Variants in ITCH observed in about 807,000 individuals in gnomAD.
The protein encoded by ITCH is itchy E3 ubiquitin protein ligase, also known as E3 ubiquitin-protein ligase Itchy homolog.
Under a neutral mutation model 126.8 loss-of-function variants are expected in ITCH, and 28 were observed. The ratio of observed to expected loss-of-function variants is 0.22; its 90% CI spans 0.16 to 0.30. ITCH has a LOEUF of 0.30. Ranked by LOEUF, ITCH falls within the 10% of genes least tolerant of loss-of-function variation. ITCH has a pLI of 1.00. For missense variants in ITCH, 631 were observed against 1,032.4 expected (o/e 0.61, Z 5.33); for synonymous variants, 342 against 340.0 (o/e 1.01, Z -0.06).
intron 1 of ITCH, among the ~76,000 whole-genome samples, chr20:34,366,008 A>G (rs1601722141): frequency 6.6e-6 from 1 of 152,232 alleles, no homozygotes; most frequent in African/African-American, 2.4e-5. Context: ...TGGGTGGAGG[A>G]TTGGTTAGAA....
At chr20:34,440,509 T>C (rs1011868418) in intron 9 of ITCH, among the ~76,000 whole-genome samples, 165 bp downstream of exon 9, 1 of 151,838 alleles carries the variant, frequency 6.6e-6, no homozygotes, top group African/African-American at 2.4e-5. Context: ...CAGACTGGAG[T>C]GCAGTGGTGT....
chr20:34,483,607 A>G (rs950032296), intron 20 of ITCH, among the ~76,000 whole-genome samples: 4 of 152,168 alleles, frequency 2.6e-5, no homozygotes, highest in Non-Finnish European at 5.9e-5. Flanking sequence ...CCTGGACTTT[A>G]TTGTCCATAT....
chr20:34,472,740 T>C (rs963603802), intron 16 of ITCH, among the ~76,000 whole-genome samples: 1 of 152,238 alleles, frequency 6.6e-6, no homozygotes, highest in African/African-American at 2.4e-5. Context: ...AAAAAGCCAG[T>C]TGGCATCCTG....
At chr20:34,491,703 T>TA (rs1989527395) in intron 22 of ITCH, among the ~76,000 whole-genome samples, 2 of 152,208 alleles carry the variant, frequency 1.3e-5, no homozygotes, top group South Asian at 2.1e-4. Context: ...TTATTCCTTA[T>TA]AAAAAAGTTT....
At chr20:34,437,162 G>GGA (rs954273996) in intron 7 of ITCH, among the ~76,000 whole-genome samples, 4 of 152,046 alleles carry the variant, frequency 2.6e-5, no homozygotes, top group Admixed American at 2.0e-4. Flanking sequence ...AACTATGTGA[G>GGA]GAGAGAGAGA....
At chr20:34,493,406 A>G (rs1257705258) in intron 23 of ITCH, among the ~76,000 whole-genome samples, 1 of 152,218 alleles carries the variant, frequency 6.6e-6, no homozygotes, top group Non-Finnish European at 1.5e-5. Flanking sequence ...GCATTTAGGA[A>G]GATTTGATAG....
chr20:34,461,751 C>T (rs190726995), intron 13 of ITCH, among the ~76,000 whole-genome samples: 1 of 147,288 alleles, frequency 6.8e-6, no homozygotes, highest in Non-Finnish European at 1.5e-5. Context: ...AGAAACAAAG[C>T]CAGAGAAAGG....
At chr20:34,392,373 A>G (rs950434522) in intron 2 of ITCH, among the ~76,000 whole-genome samples, 4 of 152,196 alleles carry the variant, frequency 2.6e-5, no homozygotes, top group African/African-American at 9.6e-5. Context: ...AAAAAAATAT[A>G]TGTATTATGC....
intron 2 of ITCH, among the ~76,000 whole-genome samples, chr20:34,373,903 T>A (rs2037736988): frequency 6.6e-6 from 1 of 152,022 alleles, no homozygotes; most frequent in African/African-American, 2.4e-5. Context: ...TATTTTTTTT[T>A]AAGATGCAGT....
At chr20:34,462,035 C>A in intron 13 of ITCH, 58 bp from the exon 14 acceptor site, 4 of 1,552,306 alleles carry the variant, frequency 2.6e-6, no homozygotes, top group Non-Finnish European at 3.6e-6. Context: ...AGCTTCTGTA[C>A]TTGGCAAACA....
In ITCH at chr20:34,438,542, A is replaced by C. The variant is rs758111695; in HGVS notation, c.590A>C (p.Asn197Thr). 6.2e-7 allele frequency: 1 copy of C among 1,613,970 alleles called. No individual in the cohort carries two copies. Among genetic ancestry groups the C allele is most frequent in the Admixed American group, 1.7e-5 (1 of 59,996 alleles). ...GAGENRRVSGNNSPSLSNGGF... is the reference protein window; with the variant it reads ...GAGENRRVSGTNSPSLSNGGF... Reference sequence around the variant, plus strand: ...GGTGAAAATAGGAGAGTCAGTGGGAATAATTCTCCATCACTCTCAAATGGT... The same window carrying C: ...GGTGAAAATAGGAGAGTCAGTGGGACTAATTCTCCATCACTCTCAAATGGT... Residue 197 changes from asparagine (N) to threonine (T), a missense_variant, in exon 8 of 25, where the codon AAT becomes ACT. Physicochemically the swap from Asn to Thr is moderately conservative, Grantham distance 65. Around this residue, in one of 4 missense-constraint regions of ITCH, gnomAD observed 220 missense variants for 265.7 expected, o/e 0.83. Coordinates refer to ENST00000374864, the MANE Select transcript of ITCH (RefSeq NM_031483.7).
chr20:34,441,946 A>G (rs1983814207), intron 9 of ITCH: 1 of 447,710 alleles, frequency 2.2e-6, no homozygotes, highest in Non-Finnish European at 4.1e-6. Flanking sequence ...TATCCTAGGT[A>G]GACGGACCTC....
intron 3 of ITCH, among the ~76,000 whole-genome samples, chr20:34,398,323 A>G (rs1209081236): frequency 6.6e-6 from 1 of 151,968 alleles, no homozygotes; most frequent in Non-Finnish European, 1.5e-5. Context: ...TCAGCCTCCT[A>G]AATTGCTTGT....
At chr20:34,467,859 A>G (rs563155204) in intron 14 of ITCH, among the ~76,000 whole-genome samples, 135 of 150,676 alleles carry the variant, frequency 9.0e-4, no homozygotes, top group Middle Eastern at 6.9e-3. Context: ...CTAATTTTGT[A>G]TTTTTAGTAG....
chr20:34,492,695 A>C (rs1989600828), intron 23 of ITCH, 98 bp downstream of exon 23: 1 of 817,792 alleles, frequency 1.2e-6, no homozygotes, highest in African/African-American at 1.7e-5. Flanking sequence ...AAAGACAGGG[A>C]TAGCCATTTT....
At chr20:34,491,131 G>A (rs1337585266) in intron 22 of ITCH, among the ~76,000 whole-genome samples, 2 of 152,182 alleles carry the variant, frequency 1.3e-5, no homozygotes, top group African/African-American at 4.8e-5. Context: ...TTATGATGGA[G>A]TAATAAACCC....
intron 6 of ITCH, 134 bp from the exon 7 acceptor site, chr20:34,424,346 G>A (rs1035548637): frequency 1.6e-5 from 12 of 741,132 alleles, no homozygotes; most frequent in Non-Finnish European, 2.6e-5. Context: ...AGTCATGTTG[G>A]AATTTAAGTT....
chr20:34,441,372 A>G (rs1983727445), intron 9 of ITCH, among the ~76,000 whole-genome samples: 1 of 152,094 alleles, frequency 6.6e-6, no homozygotes, highest in African/African-American at 2.4e-5. Flanking sequence ...TTATTTTAAG[A>G]TTATTTTCAT....
At chr20:34,442,817 CAA>C (rs1055049606) in intron 10 of ITCH, among the ~76,000 whole-genome samples, 4 of 132,500 alleles carry the variant, frequency 3.0e-5, no homozygotes, top group Non-Finnish European at 3.3e-5. Flanking sequence ...ACTAAAAATA[CAA>C]AAAAAAAAAA....
Sources: gnomAD v4.1 joint callset for allele counts (sites outside exome capture counted in the v4.1 genomes callset) on GRCh38, gnomAD v4.1.1 for gene constraint, gnomAD v4.1.1 regional missense constraint, MANE v1.5 for transcripts, NCBI Gene and HGNC (gene_info 2026-07-23, HGNC 2026-07-21) for gene names.